Variants in IL1RAP observed in about 807,000 individuals in gnomAD.
The protein encoded by IL1RAP is interleukin-1 receptor accessory protein.
Under a neutral mutation model 60.7 loss-of-function variants are expected in IL1RAP, and 35 were observed. That is an observed-to-expected ratio of 0.58 (90% confidence interval 0.44 to 0.76). IL1RAP has a LOEUF of 0.76. IL1RAP is among the 30% of genes least tolerant of loss of function. IL1RAP has a pLI of 0.00. For synonymous variants in IL1RAP, 268 were observed against 250.9 expected (o/e 1.07, Z -0.64); for missense variants, 572 against 693.9 (o/e 0.82, Z 1.97).
chr3:190,546,769 A>T (rs189597884), intron 1 of IL1RAP, among the ~76,000 whole-genome samples: 1 of 152,202 alleles, frequency 6.6e-6, no homozygotes, highest in Non-Finnish European at 1.5e-5. Flanking sequence ...AATGAGCCCT[A>T]TGCAAATTGG....
At chr3:190,645,577 A>G (rs1450651919) in intron 10 of IL1RAP, 122 bp from the exon 11 acceptor site, 1 of 754,436 alleles carries the variant, frequency 1.3e-6, no homozygotes, top group Non-Finnish European at 2.1e-6. Context: ...TGCAAGTAGA[A>G]AATCGCACTG....
At chr3:190,585,380 G>A (rs1429236890) in intron 3 of IL1RAP, among the ~76,000 whole-genome samples, 3 of 152,098 alleles carry the variant, frequency 2.0e-5, no homozygotes, top group East Asian at 3.9e-4. Context: ...ATTTGACTTC[G>A]TTTAATAACA....
intron 3 of IL1RAP, among the ~76,000 whole-genome samples, chr3:190,582,726 A>G (rs1577655139): frequency 6.6e-6 from 1 of 152,324 alleles, no homozygotes; most frequent in East Asian, 1.9e-4. Flanking sequence ...TTCAAATTGT[A>G]AATTAAATCA....
chr3:190,644,212 C>A (rs747438055), intron 9 of IL1RAP, 36 bp from the exon 10 acceptor site: 2 of 1,595,588 alleles, frequency 1.3e-6, no homozygotes, highest in Non-Finnish European at 1.7e-6. Flanking sequence ...GGTCACCACA[C>A]AGAAATCAAT....
rs1553840851 is a variant in IL1RAP, at chr3:190,572,864, T to TTTTTTTG, written c.64+8517_64+8518insGTTTTTT. Among the ~76,000 whole-genome samples, 8 of 44,798 alleles carry TTTTTTTG rather than the reference T, an allele frequency of 1.8e-4. 2 individuals carry two copies. Among genetic ancestry groups the TTTTTTTG allele is most frequent in the Non-Finnish European group, 2.9e-4 (6 of 20,636 alleles). The allele number at this position is 44,798 out of a possible 152,430, so 29.4% of individuals were successfully genotyped here. On this transcript the variant is annotated intron_variant, in intron 3 of 11. Transcript: ENST00000447382. Reference sequence around the variant, plus strand: ...ATGTCCAGGGTTAATGCTTTGTTTTTTTTTTTTTTTTTTTTTTGAGACGGA... The same window carrying TTTTTTTG: ...ATGTCCAGGGTTAATGCTTTGTTTTTTTTTTTGTTTTTTTTTTTTTTTTTGAGACGGA...
intron 4 of IL1RAP, 106 bp from the exon 5 acceptor site, chr3:190,608,889 A>G: frequency 1.3e-6 from 1 of 777,920 alleles, no homozygotes; most frequent in South Asian, 1.9e-5. Flanking sequence ...ACATGTATAA[A>G]TGATGTCTCC....
downstream of IL1RAP, among the ~76,000 whole-genome samples, chr3:190,653,749 C>G (rs574568575): frequency 6.6e-6 from 1 of 152,134 alleles, no homozygotes; most frequent in African/African-American, 2.4e-5. Context: ...ATTTTTTGAG[C>G]CAAACAGAAT....
chr3:190,630,886 C>T (rs533898132), intron 9 of IL1RAP, among the ~76,000 whole-genome samples: 38 of 152,160 alleles, frequency 2.5e-4, no homozygotes, highest in African/African-American at 8.9e-4. Flanking sequence ...ACAATAATAC[C>T]ACTACCTTAT....
intron 3 of IL1RAP, among the ~76,000 whole-genome samples, chr3:190,595,166 G>A (rs923769869): frequency 4.6e-5 from 7 of 152,116 alleles, no homozygotes; most frequent in Admixed American, 1.3e-4. Flanking sequence ...GGTGAGCTCC[G>A]TGAGACCTTT....
At chr3:190,629,298 AT>A (rs1732576416) in intron 8 of IL1RAP, 51 bp from the exon 9 acceptor site, 25 of 1,351,270 alleles carry the variant, frequency 1.9e-5, no homozygotes, top group Non-Finnish European at 2.4e-5. Context: ...TACACAGTCC[AT>A]AGCTCTTGAG....
intron 2 of IL1RAP, among the ~76,000 whole-genome samples, chr3:190,558,789 TC>T (rs1205371623): frequency 3.9e-5 from 6 of 152,196 alleles, no homozygotes; most frequent in African/African-American, 1.4e-4. Flanking sequence ...CTTTAGGCCA[TC>T]TTGGAGAAAA....
chr3:190,629,724 T>TA (rs1473643504), intron 9 of IL1RAP: 13 of 1,238,278 alleles, frequency 1.0e-5, no homozygotes, highest in Middle Eastern at 3.1e-4. Context: ...CAAATGTAGC[T>TA]AAAAAAATCG....
intron 6 of IL1RAP, 24 bp from the exon 7 acceptor site, chr3:190,623,320 C>T (rs1731943673): frequency 6.4e-7 from 1 of 1,574,400 alleles, no homozygotes; most frequent in Non-Finnish European, 8.7e-7. Context: ...ACATCATCTC[C>T]CTTTTTTATT....
intron 3 of IL1RAP, among the ~76,000 whole-genome samples, chr3:190,577,669 T>G (rs1727614439): frequency 6.6e-6 from 1 of 152,170 alleles, no homozygotes; most frequent in African/African-American, 2.4e-5. Flanking sequence ...TAGCTGGGAC[T>G]ATAGGGGCAT....
intron 3 of IL1RAP, among the ~76,000 whole-genome samples, chr3:190,588,063 C>G (rs1011972809): frequency 6.6e-6 from 1 of 152,158 alleles, no homozygotes; most frequent in Admixed American, 6.5e-5. Flanking sequence ...GCATTTGAAA[C>G]ATTTTCCTAC....
chr3:190,557,370 C>G (rs971892487), intron 2 of IL1RAP, among the ~76,000 whole-genome samples: 3 of 152,174 alleles, frequency 2.0e-5, no homozygotes, highest in Admixed American at 2.0e-4. Context: ...AAAAGGGAAT[C>G]AATCTGCTCA....
chr3:190,638,059 G>T (rs1327324108), intron 9 of IL1RAP, among the ~76,000 whole-genome samples: 2 of 151,830 alleles, frequency 1.3e-5, no homozygotes, highest in African/African-American at 4.8e-5. Context: ...TGAACATTTG[G>T]GTTGTTATCA....
intron 3 of IL1RAP, among the ~76,000 whole-genome samples, chr3:190,573,369 A>G (rs1226984320): frequency 6.6e-6 from 1 of 152,204 alleles, no homozygotes; most frequent in Non-Finnish European, 1.5e-5. Flanking sequence ...TGCTAGTAGC[A>G]GTGTATTTCT....
At chr3:190,601,732 C>A (rs149148850) in intron 3 of IL1RAP, among the ~76,000 whole-genome samples, 1 of 152,202 alleles carries the variant, frequency 6.6e-6, no homozygotes, top group Admixed American at 6.5e-5. Context: ...GTATCTTGTG[C>A]GGCTCAGCTC....
Sources: gnomAD v4.1 joint callset for allele counts (sites outside exome capture counted in the v4.1 genomes callset) on GRCh38, gnomAD v4.1.1 for gene constraint, MANE v1.5 for transcripts, NCBI Gene and HGNC (gene_info 2026-07-23, HGNC 2026-07-21) for gene names.